The following SPATA6 variants were observed in gnomAD, a reference collection of about 807,000 sequenced individuals.
The protein encoded by SPATA6 is spermatogenesis associated 6.
Under a neutral mutation model 65.3 loss-of-function variants are expected in SPATA6, and 56 were observed. The observed-to-expected ratio is 0.86, with a 90% CI of 0.69 to 1.07. SPATA6 has a LOEUF of 1.07. Among genes scored for constraint, SPATA6 ranks in the 50% least tolerant of loss-of-function variants. The probability of loss-of-function intolerance (pLI) is 0.00; values close to 1 mark genes in which losing one functional copy is unlikely to be tolerated. For synonymous variants in SPATA6, 199 were observed against 213.2 expected (o/e 0.93, Z 0.58); for missense variants, 590 against 594.8 (o/e 0.99, Z 0.08).
At chr1:48,336,239 A>G (rs936158402) in intron 11 of SPATA6, among the ~76,000 whole-genome samples, 2 of 152,036 alleles carry the variant, frequency 1.3e-5, no homozygotes, top group African/African-American at 2.4e-5. Flanking sequence ...TCAAAAACCT[A>G]AAACAGAACT....
At chr1:48,360,343 A>C (rs1646776617) in intron 9 of SPATA6, among the ~76,000 whole-genome samples, 1 of 152,176 alleles carries the variant, frequency 6.6e-6, no homozygotes, top group South Asian at 2.1e-4. Flanking sequence ...ATATTAAGTA[A>C]CATGAGAAGC....
intron 9 of SPATA6, among the ~76,000 whole-genome samples, chr1:48,384,409 A>C (rs529003922): frequency 2.6e-5 from 2 of 76,212 alleles, no homozygotes; most frequent in Non-Finnish European, 4.8e-5. Flanking sequence ...AGGGAGAGGG[A>C]GAGGGAGAGG....
At chr1:48,455,881 T>TA (rs1203070706) in intron 1 of SPATA6, among the ~76,000 whole-genome samples, 3 of 152,040 alleles carry the variant, frequency 2.0e-5, no homozygotes, top group African/African-American at 4.8e-5. Flanking sequence ...TGCTATCTCT[T>TA]AAAAAAACAC....
At chr1:48,311,305 T>G (rs1187423538) in intron 11 of SPATA6, among the ~76,000 whole-genome samples, 1 of 152,122 alleles carries the variant, frequency 6.6e-6, no homozygotes, top group African/African-American at 2.4e-5. Context: ...TTGACAATGT[T>G]TTAGTTAGAC....
chr1:48,322,979 TA>T (rs1645643270), intron 11 of SPATA6, among the ~76,000 whole-genome samples: 1 of 152,210 alleles, frequency 6.6e-6, no homozygotes, highest in Non-Finnish European at 1.5e-5. Flanking sequence ...GGTAGGAGTG[TA>T]AGTTACTTCA....
chr1:48,469,472 TTATATATATATA>T (rs59371419), intron 1 of SPATA6, among the ~76,000 whole-genome samples: 61 of 144,460 alleles, frequency 4.2e-4, no homozygotes, highest in African/African-American at 1.4e-3. Flanking sequence ...AAATATCTAT[TTATATATATATA>T]TATATATATA....
chr1:48,405,896 C>T (rs1334555114), intron 5 of SPATA6, among the ~76,000 whole-genome samples: 4 of 151,838 alleles, frequency 2.6e-5, no homozygotes, highest in Non-Finnish European at 4.4e-5. Flanking sequence ...TCATGCTCTA[C>T]CAAAAAAAAG....
At chr1:48,461,133 C>T (rs983991683) in intron 1 of SPATA6, among the ~76,000 whole-genome samples, 2 of 152,068 alleles carry the variant, frequency 1.3e-5, no homozygotes, top group Non-Finnish European at 2.9e-5. Flanking sequence ...ACATAAATGT[C>T]TTCTTTTGAG....
chr1:48,320,015 C>T (rs367924731), intron 11 of SPATA6, among the ~76,000 whole-genome samples: 2 of 152,202 alleles, frequency 1.3e-5, no homozygotes, highest in Non-Finnish European at 2.9e-5. Flanking sequence ...CACCCTTCCC[C>T]GCCTGTGGAC....
In SPATA6 at chr1:48,428,813, A is replaced by ATATGTATATATATGTGTGTATATATATG. The variant is rs1553169261; in HGVS notation, c.239-15663_239-15662insCATATATATACACACATATATATACATA. Among the ~76,000 whole-genome samples, 59 of 57,846 alleles carry ATATGTATATATATGTGTGTATATATATG rather than the reference A, an allele frequency of 1.0e-3. 1 individual carries two copies. The highest frequency in any genetic ancestry group is 1.9e-3 in the African/African-American group (37 of 19,684). The allele number at this position is 57,846 out of a possible 152,430, so 37.9% of individuals were successfully genotyped here. The stretch of plus-strand genomic sequence containing the variant: ...TGTGTGTGTGTGTGTGTGTGTGTAT[A>ATATGTATATATATGTGTGTATATATATG]TGTATATATATGTGTGTATATATAT... On this transcript the variant is annotated intron_variant, in intron 3 of 12. Transcript: ENST00000371847.
Position 48,421,441 on chromosome 1 carries a change from G to A in SPATA6, c.239-8290C>T, listed in dbSNP as rs146256794. On this transcript the variant is annotated intron_variant, in intron 3 of 12. Transcript: ENST00000371847. The stretch of plus-strand genomic sequence containing the variant: ...GTTATATTTGATCTCTATCTTATAT[G>A]TTCAAGGAAAAAGTCAATAAATTCC... Among the ~76,000 whole-genome samples, 839 of 152,018 alleles carry A rather than the reference G, an allele frequency of 5.5e-3. 7 individuals are homozygous for A. The highest frequency in any genetic ancestry group is 0.019 in the African/African-American group (791 of 41,468).
intron 3 of SPATA6, among the ~76,000 whole-genome samples, chr1:48,415,176 T>A (rs1652639945): frequency 6.6e-6 from 1 of 152,186 alleles, no homozygotes; most frequent in Non-Finnish European, 1.5e-5. Context: ...ATTACATAAT[T>A]GTTTTGAAAT....
intron 12 of SPATA6, among the ~76,000 whole-genome samples, chr1:48,304,435 T>A (rs1014731753): frequency 1.3e-5 from 2 of 152,184 alleles, no homozygotes; most frequent in African/African-American, 4.8e-5. Flanking sequence ...AACTTTAAAT[T>A]GACAGCAGCA....
At chr1:48,404,937 G>C (rs1476181586) in intron 5 of SPATA6, among the ~76,000 whole-genome samples, 1 of 152,200 alleles carries the variant, frequency 6.6e-6, no homozygotes, top group African/African-American at 2.4e-5. Context: ...AAAGAATACA[G>C]TCTATGCCCA....
At chr1:48,323,232 T>C (rs1197411491) in intron 11 of SPATA6, among the ~76,000 whole-genome samples, 1 of 152,132 alleles carries the variant, frequency 6.6e-6, no homozygotes. Flanking sequence ...TGGAATACTA[T>C]GCAGCCATAA....
At chr1:48,305,945 T>C in intron 11 of SPATA6, 67 bp from the exon 12 acceptor site, 1 of 1,182,534 alleles carries the variant, frequency 8.5e-7, no homozygotes, top group South Asian at 1.4e-5. Context: ...CATATGTTTC[T>C]TCATAAAATG....
intron 11 of SPATA6, among the ~76,000 whole-genome samples, chr1:48,308,051 C>T (rs1278571737): frequency 6.6e-6 from 1 of 151,890 alleles, no homozygotes; most frequent in Non-Finnish European, 1.5e-5. Flanking sequence ...AATTCTACCT[C>T]CTAATTGGAG....
the SPATA6 span, among the ~76,000 whole-genome samples, chr1:48,274,773 G>T: frequency 5.9e-5 from 9 of 151,978 alleles, no homozygotes; most frequent in Admixed American, 4.6e-4. Context: ...TCAGGTAGCA[G>T]GATCCCTCCA....
chr1:48,321,929 T>C (rs994195961), intron 11 of SPATA6, among the ~76,000 whole-genome samples: 4 of 152,020 alleles, frequency 2.6e-5, no homozygotes, highest in Non-Finnish European at 5.9e-5. Flanking sequence ...AATAAACATA[T>C]TAAGAAGAAA....
Sources: allele counts gnomAD v4.1 joint callset (sites outside exome capture counted in the v4.1 genomes callset), GRCh38; gene constraint gnomAD v4.1.1; transcripts MANE v1.5; gene names NCBI Gene and HGNC (gene_info 2026-07-23, HGNC 2026-07-21).